RILPL1: variants seen among roughly 807,000 people sequenced by gnomAD.
RILPL1 encodes the protein Rab interacting lysosomal protein like 1.
Under a neutral mutation model 50.3 loss-of-function variants are expected in RILPL1, and 33 were observed. That is an observed-to-expected ratio of 0.66 (90% confidence interval 0.50 to 0.88). The LOEUF is 0.88. RILPL1 is among the 40% of genes least tolerant of loss of function. RILPL1 has a pLI of 0.00. For missense variants in RILPL1, 418 were observed against 542.5 expected (o/e 0.77, Z 2.28); for synonymous variants, 205 against 228.6 (o/e 0.90, Z 0.93).
intron 6 of RILPL1, chr12:123,473,513 T>TA (rs979889396): frequency 7.9e-5 from 12 of 151,872 alleles, no homozygotes; most frequent in African/African-American, 2.9e-4. Flanking sequence ...AGACTCTGTC[T>TA]AAAAAAATAA....
chr12:123,510,094 G>T (rs535129995), intron 2 of RILPL1, among the ~76,000 whole-genome samples: 79 of 152,346 alleles, frequency 5.2e-4, no homozygotes, highest in African/African-American at 1.8e-3. Context: ...GTTGCTCTGC[G>T]TCCACTTTCT....
intron 1 of RILPL1, among the ~76,000 whole-genome samples, chr12:123,527,505 C>T (rs1160078996): frequency 2.6e-5 from 4 of 151,958 alleles, no homozygotes; most frequent in African/African-American, 7.3e-5. Flanking sequence ...GGCATGGTGG[C>T]GTGCACCTGA....
chr12:123,528,100 G>C (rs1185697874), intron 1 of RILPL1, among the ~76,000 whole-genome samples: 2 of 152,068 alleles, frequency 1.3e-5, no homozygotes, highest in African/African-American at 4.8e-5. Context: ...GGCATGGTGG[G>C]TCACGCCTGT....
At chr12:123,501,567 C>G (rs1193074358) in intron 2 of RILPL1, among the ~76,000 whole-genome samples, 1 of 152,076 alleles carries the variant, frequency 6.6e-6, no homozygotes, top group African/African-American at 2.4e-5. Context: ...CGAGACCATC[C>G]TGGCCAACAC....
In RILPL1 at chr12:123,472,579, C is replaced by T. The variant is rs970237353; in HGVS notation, c.1171G>A (p.Gly391Ser). ...GCTTCCTGTCCTTGCTCTGTGTAAC[C>T]GTCATCGCGGTGGGTGTTTGCCCAC... The part of the protein sequence containing the change: ...GQWANTHRDD[G>S]YTEQGQEALQ... The change falls in exon 7 of 7, where the codon GGT becomes AGT. Residue 391 changes from glycine to serine, a missense_variant. Gly to Ser is a moderately conservative substitution (Grantham distance 56, BLOSUM62 0). Transcript: ENST00000376874. 2.2e-5 allele frequency: 34 copies of T among 1,555,782 alleles called. No individual in the cohort carries two copies. Among genetic ancestry groups the T allele is most frequent in the Admixed American group, 5.9e-5 (3 of 51,268 alleles).
intron 4 of RILPL1, among the ~76,000 whole-genome samples, chr12:123,497,921 G>C (rs908482595): frequency 1.3e-5 from 2 of 152,112 alleles, no homozygotes; most frequent in Non-Finnish European, 2.9e-5. Context: ...GAATTGCTGG[G>C]TCATATGGTA....
In RILPL1 at chr12:123,472,483, G is replaced by A. The variant is rs372948599; in HGVS notation, c.*55C>T. On this transcript the variant is annotated 3_prime_UTR_variant, in exon 7 of 7. Coordinates refer to ENST00000376874, the MANE Select transcript of RILPL1 (RefSeq NM_178314.5). ...AGCAATGACCCCTGGGCTGCAGTTC[G>A]GTTGCAGGCGCTGGTGGCGGGCAGT... is the stretch of plus-strand genomic sequence containing the variant. 89 of 1,544,354 alleles carry A rather than the reference G, an allele frequency of 5.8e-5. No individual in the cohort carries two copies. Among genetic ancestry groups the A allele is most frequent in the East Asian group, 2.7e-4 (11 of 40,876 alleles).
chr12:123,508,219 C>A (rs1007073637), intron 2 of RILPL1, among the ~76,000 whole-genome samples: 3 of 151,940 alleles, frequency 2.0e-5, no homozygotes, highest in Non-Finnish European at 2.9e-5. Flanking sequence ...ATAATTGAGA[C>A]CTCGTCTCTA....
At chr12:123,532,132 TTCAGAGAGGC>T (rs2139396901) in intron 1 of RILPL1, among the ~76,000 whole-genome samples, 1 of 152,256 alleles carries the variant, frequency 6.6e-6, no homozygotes, top group Non-Finnish European at 1.5e-5. Flanking sequence ...GCCCCTGAGG[TTCAGAGAGGC>T]CATCTGTATT....
chr12:123,501,572 C>T (rs774989859), intron 2 of RILPL1, among the ~76,000 whole-genome samples: 14 of 151,896 alleles, frequency 9.2e-5, no homozygotes, highest in Non-Finnish European at 1.8e-4. Flanking sequence ...CCATCCTGGC[C>T]AACACTGTGA....
intron 2 of RILPL1, among the ~76,000 whole-genome samples, chr12:123,507,608 A>G (rs1046040829): frequency 2.0e-5 from 3 of 149,394 alleles, no homozygotes; most frequent in African/African-American, 7.4e-5. Context: ...GGGGATTTGG[A>G]GAAATTAGAA....
chr12:123,519,089 A>T (rs1884880924), intron 2 of RILPL1, among the ~76,000 whole-genome samples: 1 of 151,680 alleles, frequency 6.6e-6, no homozygotes, highest in Non-Finnish European at 1.5e-5. Flanking sequence ...AGAAAAAAGA[A>T]ATTACTTCAT....
intron 6 of RILPL1, among the ~76,000 whole-genome samples, chr12:123,479,224 G>A (rs1340959266): frequency 1.3e-5 from 2 of 152,114 alleles, no homozygotes; most frequent in African/African-American, 2.4e-5. Context: ...TCTGAGAAAT[G>A]GGGATAATTA....
chr12:123,532,551 G>A (rs1885470277), intron 1 of RILPL1, among the ~76,000 whole-genome samples: 1 of 152,096 alleles, frequency 6.6e-6, no homozygotes, highest in African/African-American at 2.4e-5. Context: ...AGTCCTGTGA[G>A]GATTAAGGAT....
chr12:123,488,343 A>C (rs1882475541), intron 4 of RILPL1, among the ~76,000 whole-genome samples: 1 of 151,044 alleles, frequency 6.6e-6, no homozygotes, highest in South Asian at 2.1e-4. Flanking sequence ...TAGGAGGCTG[A>C]GGCATGAGGA....
chr12:123,523,374 A>G, intron 2 of RILPL1, 121 bp downstream of exon 2: 2 of 1,172,162 alleles, frequency 1.7e-6, no homozygotes, highest in African/African-American at 1.5e-5. Context: ...ACAGAAGGCA[A>G]AGGGCTTTGG....
In RILPL1 at chr12:123,523,674, C is replaced by G. The variant is rs750619481; in HGVS notation, c.310-29G>C. The G allele has an allele frequency of 5.0e-6, 8 of 1,606,464 alleles. No homozygotes were observed. The Admixed American group carries it at 1.4e-4, about 27-fold the overall frequency. On this transcript the variant is annotated intron_variant, in intron 1 of 6. Transcript: ENST00000376874. ...CCAAGGCAAGGGGACAGCATGGGGT[C>G]ACTGCCTGCCCAGAGCAGCCGCCCC...
chr12:123,521,610 CACAT>C lies in RILPL1; in HGVS notation c.460+1881_460+1884del, dbSNP rs1566144154. Among the ~76,000 whole-genome samples the C allele has an allele frequency of 7.8e-3, 311 of 39,970 alleles. 7 individuals carry two copies. The highest frequency in any genetic ancestry group is 0.036 in the South Asian group (37 of 1,016). The allele number at this position is 39,970 out of a possible 152,430, so 26.2% of individuals were successfully genotyped here. On this transcript the variant is annotated intron_variant, in intron 2 of 6. Coordinates refer to ENST00000376874, the MANE Select transcript of RILPL1 (RefSeq NM_178314.5). ...GTATATATATATTAATATATATACA[CACAT>C]ATGTGTATATATATACACACATATG...
intron 2 of RILPL1, among the ~76,000 whole-genome samples, chr12:123,509,518 G>A (rs1445653037): frequency 2.0e-5 from 3 of 150,134 alleles, no homozygotes; most frequent in African/African-American, 7.4e-5. Context: ...AGCTGAGATC[G>A]TGCCACTGCA....
Sources: gnomAD v4.1 joint callset for allele counts (sites outside exome capture counted in the v4.1 genomes callset) on GRCh38, gnomAD v4.1.1 for gene constraint, MANE v1.5 for transcripts, NCBI Gene and HGNC (gene_info 2026-07-23, HGNC 2026-07-21) for gene names.